The following SMYD1 variants were observed in gnomAD, a reference collection of about 807,000 sequenced individuals.
The protein encoded by SMYD1 is histone-lysine N-methyltransferase SMYD1.
A neutral mutation model predicts 54.0 loss-of-function variants in SMYD1; 49 were observed. That is an observed-to-expected ratio of 0.91 (90% CI 0.72 to 1.15). The LOEUF (loss-of-function observed/expected upper bound fraction) is 1.15. SMYD1 is among the 50% of genes most tolerant of loss of function. SMYD1 has a pLI of 0.00. For synonymous variants in SMYD1, 269 were observed against 234.2 expected (o/e 1.15, Z -1.36); for missense variants, 653 against 639.6 (o/e 1.02, Z -0.23).
chr2:88,105,321 T>C (rs1035566738), intron 7 of SMYD1, among the ~76,000 whole-genome samples: 5 of 152,114 alleles, frequency 3.3e-5, no homozygotes, highest in African/African-American at 1.2e-4. Flanking sequence ...CTCATCTCAA[T>C]GTGTTCTTAT....
rs1674874418 is a variant in SMYD1 at position 88,106,515 on chromosome 2, A to G, written c.1145+27A>G. 3 of 1,604,776 alleles carry G rather than the reference A, an allele frequency of 1.9e-6. No homozygotes were observed. In the South Asian group the frequency reaches 3.3e-5, roughly 18 times the overall value. On this transcript the variant is annotated intron_variant, in intron 8 of 9. Coordinates refer to ENST00000419482, the MANE Select transcript of SMYD1 (RefSeq NM_198274.4). ...TAGGTGACGATTCTAGGTCTCAGAT[A>G]GTCTCCTGGAAGTGTGTGTATTCCA...
At chr2:88,071,294 G>A (rs1673942026) in intron 1 of SMYD1, among the ~76,000 whole-genome samples, 1 of 152,158 alleles carries the variant, frequency 6.6e-6, no homozygotes, top group Non-Finnish European at 1.5e-5. Flanking sequence ...TGTGTTATTT[G>A]GCTTTAAAAT....
intron 1 of SMYD1, among the ~76,000 whole-genome samples, chr2:88,070,162 A>C (rs1045988889): frequency 1.3e-5 from 2 of 152,178 alleles, no homozygotes; most frequent in Non-Finnish European, 2.9e-5. Context: ...TTGTCACTGC[A>C]TAGATGAGGG....
At chr2:88,089,256 A>C (rs1343225354) in intron 3 of SMYD1, among the ~76,000 whole-genome samples, 1 of 152,194 alleles carries the variant, frequency 6.6e-6, no homozygotes, top group Admixed American at 6.5e-5. Context: ...TCTAGCAGGC[A>C]CTCTGCTTTA....
At chr2:88,104,265 C>A (rs1459981989) in intron 7 of SMYD1, among the ~76,000 whole-genome samples, 1 of 152,202 alleles carries the variant, frequency 6.6e-6, no homozygotes, top group Non-Finnish European at 1.5e-5. Context: ...TGCGCCTGGC[C>A]TCATTTCTAT....
chr2:88,104,882 T>C lies in SMYD1; in HGVS notation c.982-1443T>C, dbSNP rs1306146470. Among the ~76,000 whole-genome samples, 3 of 152,180 alleles carry C rather than the reference T, an allele frequency of 2.0e-5. No individual in the cohort carries two copies. The East Asian group carries it at 5.8e-4, about 29-fold the overall frequency. On this transcript the variant is annotated intron_variant, in intron 7 of 9. Transcript: ENST00000419482. ...TCAGAAAAGCCTGACTCCAGGACGA[T>C]TGCGGTCAGGTCCATCTTTTTCCTC...
At chr2:88,075,567 TCACTC>T in intron 1 of SMYD1, among the ~76,000 whole-genome samples, 1 of 47,196 alleles carries the variant, frequency 2.1e-5, no homozygotes, top group Non-Finnish European at 6.2e-5. Context: ...AGATAGGGTC[TCACTC>T]TGTTGGTCAA....
chr2:88,107,789 G>T (rs1460213217), intron 8 of SMYD1, among the ~76,000 whole-genome samples: 1 of 152,208 alleles, frequency 6.6e-6, no homozygotes, highest in Non-Finnish European at 1.5e-5. Flanking sequence ...AAGACCATTG[G>T]AAAAGCGCAG....
In SMYD1 at chr2:88,093,567, C is replaced by G. The variant is rs1674510203; in HGVS notation, c.698+12C>G. 1 of 1,614,136 alleles carries G rather than the reference C, an allele frequency of 6.2e-7. No homozygotes were observed. Among genetic ancestry groups the G allele is most frequent in the East Asian group, 2.2e-5 (1 of 44,892 alleles). Reference sequence around the variant, plus strand: ...CATACCCAGATGAGGTGGGTCAGTCCTTTCAAGCATCCCTGCTCCTCTGAC... The same window carrying G: ...CATACCCAGATGAGGTGGGTCAGTCGTTTCAAGCATCCCTGCTCCTCTGAC... On this transcript the variant is annotated intron_variant, in intron 5 of 9. Coordinates refer to ENST00000419482, the MANE Select transcript of SMYD1 (RefSeq NM_198274.4).
At position 88,110,577 on chromosome 2, in the gene SMYD1, G is replaced by T; in HGVS notation, c.*65G>T. The T allele has an allele frequency of 1.4e-6, 2 of 1,466,086 alleles. No individual in the cohort carries two copies. Among genetic ancestry groups the T allele is most frequent in the Non-Finnish European group, 1.8e-6 (2 of 1,102,248 alleles). The allele number at this position is 1,466,086 out of a possible 1,614,324, so 90.8% of individuals were successfully genotyped here. ...TAGGGAGAGACTCTGGAGGTGGTGG[G>T]TCTCTCGGGAGACCCCTAATGAGGA... On this transcript the variant is annotated 3_prime_UTR_variant, in exon 10 of 10. Transcript: ENST00000419482.
intron 3 of SMYD1, 128 bp from the exon 4 acceptor site, chr2:88,090,884 G>A: frequency 3.9e-6 from 4 of 1,025,312 alleles, no homozygotes; most frequent in Non-Finnish European, 5.7e-6. Flanking sequence ...TAATTGTTCT[G>A]TGTCCAGACT....
intron 1 of SMYD1, among the ~76,000 whole-genome samples, chr2:88,073,291 T>C (rs1040100872): frequency 6.6e-6 from 1 of 152,230 alleles, no homozygotes; most frequent in African/African-American, 2.4e-5. Flanking sequence ...GCACCAGGTT[T>C]TCTTTATACA....
intron 1 of SMYD1, among the ~76,000 whole-genome samples, chr2:88,076,515 G>C (rs1265236899): frequency 6.6e-6 from 1 of 152,110 alleles, no homozygotes; most frequent in Non-Finnish European, 1.5e-5. Context: ...GAGCCACCGC[G>C]CCCCGCCTTC....
intron 8 of SMYD1, 100 bp downstream of exon 8, chr2:88,106,588 C>T: frequency 7.8e-7 from 1 of 1,277,592 alleles, no homozygotes; most frequent in East Asian, 2.3e-5. Flanking sequence ...CCCTCCTATA[C>T]CCACAGCAGG....
chr2:88,097,755 A>G (rs1033257407), intron 6 of SMYD1, among the ~76,000 whole-genome samples: 2 of 152,086 alleles, frequency 1.3e-5, no homozygotes, highest in African/African-American at 4.8e-5. Context: ...GGGAGGATAC[A>G]ATTTAACCCC....
intron 1 of SMYD1, among the ~76,000 whole-genome samples, chr2:88,081,627 G>C (rs1674195287): frequency 6.6e-6 from 1 of 151,850 alleles, no homozygotes; most frequent in Non-Finnish European, 1.5e-5. Context: ...GTAGAGACAG[G>C]GTTTTACCAT....
intron 1 of SMYD1, among the ~76,000 whole-genome samples, chr2:88,082,200 A>G (rs1379320538): frequency 6.6e-6 from 1 of 152,170 alleles, no homozygotes; most frequent in Non-Finnish European, 1.5e-5. Context: ...TAAGTATGCT[A>G]GTGTAATTCT....
rs1675073299 is a variant in SMYD1, at chr2:88,113,360, T to A, written c.*2848T>A. ...TGTTATAGCAGTCAGCAAATCCTAT[T>A]AAATACTTTGTGTTTCCAAGCAAAT... On this transcript the variant is annotated 3_prime_UTR_variant, in exon 10 of 10. Coordinates refer to ENST00000419482, the MANE Select transcript of SMYD1 (RefSeq NM_198274.4). The A allele has an allele frequency of 6.6e-6, 1 of 152,210 alleles. No homozygotes were observed. The highest frequency in any genetic ancestry group is 1.5e-5 in the Non-Finnish European group (1 of 68,034). 9.4% of individuals were successfully genotyped at this position (152,210 alleles called of 1,614,324 possible). A position where few individuals can be genotyped will look rare whatever the true frequency, so the allele number is the denominator to read the frequency against.
chr2:88,106,893 A>G (rs1257028616), intron 8 of SMYD1, among the ~76,000 whole-genome samples: 2 of 152,006 alleles, frequency 1.3e-5, no homozygotes, highest in African/African-American at 4.8e-5. Flanking sequence ...GCCATCAATC[A>G]CTTTGCTTAA....
Sources: allele counts gnomAD v4.1 joint callset (sites outside exome capture counted in the v4.1 genomes callset), GRCh38; gene constraint gnomAD v4.1.1; transcripts MANE v1.5; gene names NCBI Gene and HGNC (gene_info 2026-07-23, HGNC 2026-07-21).